The following ERC2 variants were observed in gnomAD, a reference collection of about 807,000 sequenced individuals.
ERC2 encodes the protein ERC protein 2.
ERC2 carries 42 observed loss-of-function variants against 114.8 expected under a neutral mutation model. That is an observed-to-expected ratio of 0.37 (90% CI 0.29 to 0.47). The LOEUF is 0.47. ERC2 is among the 20% of genes least tolerant of loss of function. ERC2 has a pLI of 0.99. For missense variants in ERC2, 939 were observed against 1,150.7 expected (o/e 0.82, Z 2.66); for synonymous variants, 454 against 425.5 (o/e 1.07, Z -0.82).
chr3:56,138,051 C>CTTTTTTT (rs920983143), intron 6 of ERC2, among the ~76,000 whole-genome samples: 7 of 92,632 alleles, frequency 7.6e-5, no homozygotes, highest in Non-Finnish European at 1.4e-4. Context: ...AATGGTATTT[C>CTTTTTTT]TTTTTTTTTT....
chr3:55,967,546 A>G (rs1471747569), intron 12 of ERC2, among the ~76,000 whole-genome samples: 1 of 152,204 alleles, frequency 6.6e-6, no homozygotes, highest in East Asian at 1.9e-4. Flanking sequence ...AGAAATTTAT[A>G]AGAAAAACTT....
At chr3:55,821,097 G>A (rs933894738) in intron 14 of ERC2, among the ~76,000 whole-genome samples, 1 of 152,116 alleles carries the variant, frequency 6.6e-6, no homozygotes, top group African/African-American at 2.4e-5. Flanking sequence ...TTCAAAATGA[G>A]TTTTTCTTCT....
At chr3:55,542,499 A>C (rs771267700) in intron 17 of ERC2, among the ~76,000 whole-genome samples, 7 of 151,994 alleles carry the variant, frequency 4.6e-5, no homozygotes, top group Non-Finnish European at 1.0e-4. Flanking sequence ...ACCAAAACTC[A>C]TCTCTCTCTC....
intron 14 of ERC2, among the ~76,000 whole-genome samples, chr3:55,797,950 G>A (rs950629012): frequency 1.2e-4 from 18 of 152,148 alleles, no homozygotes; most frequent in African/African-American, 4.3e-4. Context: ...AATGGGTTTA[G>A]CCACATAGTA....
intron 12 of ERC2, among the ~76,000 whole-genome samples, chr3:55,952,814 CT>C (rs1389701559): frequency 6.6e-6 from 1 of 152,168 alleles, no homozygotes; most frequent in Non-Finnish European, 1.5e-5. Flanking sequence ...AGTGACCTTA[CT>C]TTCAGGGATA....
intron 3 of ERC2, among the ~76,000 whole-genome samples, chr3:56,213,936 T>C (rs1046179269): frequency 6.6e-6 from 1 of 152,162 alleles, no homozygotes; most frequent in Non-Finnish European, 1.5e-5. Context: ...GACCTGCAGC[T>C]GAAGGTCCTG....
intron 2 of ERC2, among the ~76,000 whole-genome samples, chr3:56,321,715 G>A (rs537558001): frequency 3.9e-5 from 6 of 152,312 alleles, no homozygotes; most frequent in African/African-American, 1.4e-4. Context: ...GCATTTACAA[G>A]AAATAACTCA....
At chr3:56,136,227 G>A (rs1017350721) in intron 6 of ERC2, among the ~76,000 whole-genome samples, 14 of 151,994 alleles carry the variant, frequency 9.2e-5, no homozygotes, top group East Asian at 3.9e-4. Flanking sequence ...GAGATGAACC[G>A]TTAAGCCATG....
intron 3 of ERC2, among the ~76,000 whole-genome samples, chr3:56,194,502 C>T (rs941173809): frequency 3.9e-5 from 6 of 152,030 alleles, no homozygotes; most frequent in African/African-American, 1.5e-4. Flanking sequence ...AATGGTCTAC[C>T]TATACAGGGC....
chr3:56,047,024 T>C (rs1015410322), intron 7 of ERC2, among the ~76,000 whole-genome samples: 2 of 152,176 alleles, frequency 1.3e-5, no homozygotes, highest in Admixed American at 1.3e-4. Context: ...AGCCTGACGC[T>C]GAAGAAAACA....
At chr3:56,130,674 A>G (rs2080151380) in intron 6 of ERC2, among the ~76,000 whole-genome samples, 1 of 152,156 alleles carries the variant, frequency 6.6e-6, no homozygotes, top group Non-Finnish European at 1.5e-5. Context: ...GAACAACCAT[A>G]AAAAGCTTTT....
chr3:55,995,150 T>C (rs1025657840), intron 10 of ERC2, among the ~76,000 whole-genome samples: 3 of 152,086 alleles, frequency 2.0e-5, no homozygotes, highest in Admixed American at 6.6e-5. Flanking sequence ...CTGGCCAATA[T>C]GGTAACACCC....
intron 17 of ERC2, among the ~76,000 whole-genome samples, chr3:55,546,341 T>A (rs1238092778): frequency 1.3e-5 from 2 of 152,118 alleles, no homozygotes; most frequent in African/African-American, 4.8e-5. Context: ...TTTGTTTAAA[T>A]CATTTCCCAG....
At chr3:56,241,304 C>G (rs1189730965) in intron 3 of ERC2, among the ~76,000 whole-genome samples, 1 of 152,154 alleles carries the variant, frequency 6.6e-6, no homozygotes, top group African/African-American at 2.4e-5. Flanking sequence ...TGCTCAACAT[C>G]ACTAATTATC....
chr3:56,021,554 T>A (rs189267872), intron 7 of ERC2, among the ~76,000 whole-genome samples: 30 of 151,908 alleles, frequency 2.0e-4, no homozygotes, highest in African/African-American at 6.8e-4. Context: ...CATATTTATT[T>A]ATTTTTTTAA....
At chr3:55,652,288 G>C (rs887143059) in intron 17 of ERC2, among the ~76,000 whole-genome samples, 1 of 152,182 alleles carries the variant, frequency 6.6e-6, no homozygotes, top group Admixed American at 6.5e-5. Context: ...GACAACCTGA[G>C]GCATTCTGGA....
chr3:55,529,043 C>T lies in ERC2; in HGVS notation c.*40-17767G>A, dbSNP rs73077412. ...CTGCCATATGAAGCAGAAACCAGAG[C>T]TGACCTTTGAAGTTGATAGGGTTTT... On this transcript the variant is annotated intron_variant, in intron 17 of 17. Coordinates refer to ENST00000288221, the MANE Select transcript of ERC2 (RefSeq NM_015576.3). Among the ~76,000 whole-genome samples, 1,326 of 152,304 alleles carry T rather than the reference C, an allele frequency of 8.7e-3. 14 individuals carry two copies. Among genetic ancestry groups the T allele is most frequent in the Middle Eastern group, 0.024 (7 of 294 alleles).
At chr3:55,933,208 C>T (rs1346099457) in intron 13 of ERC2, among the ~76,000 whole-genome samples, 2 of 138,296 alleles carry the variant, frequency 1.4e-5, no homozygotes, top group Admixed American at 1.4e-4. Flanking sequence ...GACTTTGTCT[C>T]AAAAAAAAAA....
chr3:55,705,346 G>A (rs2063427144), intron 15 of ERC2, among the ~76,000 whole-genome samples: 1 of 152,152 alleles, frequency 6.6e-6, no homozygotes, highest in Non-Finnish European at 1.5e-5. Context: ...CACCTTGAGA[G>A]GAAAGCAGGT....
Sources: allele counts gnomAD v4.1 joint callset (sites outside exome capture counted in the v4.1 genomes callset), GRCh38; gene constraint gnomAD v4.1.1; transcripts MANE v1.5; gene names NCBI Gene and HGNC (gene_info 2026-07-23, HGNC 2026-07-21).